Variants in SDE2 observed in about 807,000 individuals in gnomAD.
SDE2 encodes the protein splicing regulator SDE2.
A neutral mutation model predicts 46.9 loss-of-function variants in SDE2; 31 were observed. The observed-to-expected ratio is 0.66, with a 90% confidence interval of 0.50 to 0.89. The LOEUF (loss-of-function observed/expected upper bound fraction) is 0.89. Ranked by LOEUF, SDE2 falls within the 40% of genes least tolerant of loss-of-function variation. The pLI is 0.00. For synonymous variants in SDE2, 205 were observed against 204.3 expected (o/e 1.00, Z -0.03); for missense variants, 542 against 564.4 (o/e 0.96, Z 0.40).
intron 1 of SDE2, among the ~76,000 whole-genome samples, chr1:225,997,385 T>C (rs1248145523): frequency 6.6e-6 from 1 of 152,234 alleles, no homozygotes; most frequent in African/African-American, 2.4e-5. Flanking sequence ...ATATTTGCTA[T>C]GGTCATGTTC....
intron 1 of SDE2, among the ~76,000 whole-genome samples, chr1:225,998,453 T>C (rs532531931): frequency 2.6e-5 from 4 of 152,324 alleles, no homozygotes; most frequent in South Asian, 2.1e-4. Context: ...CTAGATCAAG[T>C]GCCAACATTA....
intron 3 of SDE2, 74 bp from the exon 4 acceptor site, chr1:225,992,641 G>T: frequency 9.9e-7 from 1 of 1,008,712 alleles, no homozygotes; most frequent in Non-Finnish European, 1.5e-6. Context: ...AAATGTCTCT[G>T]ACGAATTAAT....
At chr1:225,991,446 G>T in intron 4 of SDE2, 83 bp from the exon 5 acceptor site, 1 of 1,074,152 alleles carries the variant, frequency 9.3e-7, no homozygotes. Context: ...TGCAAAAAGA[G>T]CTGCAATCTA....
intron 1 of SDE2, among the ~76,000 whole-genome samples, chr1:225,995,637 T>C (rs1656505374): frequency 6.6e-6 from 1 of 152,194 alleles, no homozygotes; most frequent in Admixed American, 6.5e-5. Flanking sequence ...CAACAAAAAC[T>C]GCTTCTTCTT....
At chr1:225,997,253 T>C (rs1165135004) in intron 1 of SDE2, among the ~76,000 whole-genome samples, 1 of 152,190 alleles carries the variant, frequency 6.6e-6, no homozygotes, top group Non-Finnish European at 1.5e-5. Context: ...ATTTTCTCAG[T>C]GGGAGTTAAC....
intron 1 of SDE2, among the ~76,000 whole-genome samples, chr1:225,997,675 C>T (rs905080660): frequency 6.6e-5 from 10 of 152,058 alleles, no homozygotes; most frequent in African/African-American, 2.4e-4. Flanking sequence ...AGGTGATCTG[C>T]CCGCCTCGAC....
rs749312218 is a variant in SDE2, at chr1:225,983,327, A to G, written c.*1975T>C. The G allele has an allele frequency of 2.0e-5, 3 of 152,226 alleles. No individual in the cohort carries two copies. Among genetic ancestry groups the G allele is most frequent in the Non-Finnish European group, 4.4e-5 (3 of 68,038 alleles). 9.4% of individuals were successfully genotyped at this position (152,226 alleles called of 1,614,324 possible). On this transcript the variant is annotated 3_prime_UTR_variant, in exon 7 of 7. Coordinates refer to ENST00000272091, the MANE Select transcript of SDE2 (RefSeq NM_152608.4). Reference sequence around the variant, plus strand: ...AAATTTCATAATGATAAAATGGTCAATACATTAGGAAGACATAAGTTATTA... The same window carrying G: ...AAATTTCATAATGATAAAATGGTCAGTACATTAGGAAGACATAAGTTATTA...
intron 5 of SDE2, among the ~76,000 whole-genome samples, chr1:225,989,286 A>ACT (rs1656339172): frequency 1.2e-5 from 1 of 84,124 alleles, no homozygotes; most frequent in African/African-American, 3.7e-5. Flanking sequence ...ACAGAGCAAG[A>ACT]CTGTCTCAAA....
Position 225,992,547 on chromosome 1 carries a change from T to C in SDE2, c.371A>G (p.Gln124Arg). 1 of 1,609,046 alleles carries C rather than the reference T, an allele frequency of 6.2e-7. No individual in the cohort carries two copies. Among genetic ancestry groups the C allele is most frequent in the Non-Finnish European group, 8.5e-7 (1 of 1,179,268 alleles). Reference sequence around the variant, plus strand: ...CTTTTCAGCCTCTCGCTCGGCTTGTTGTTTTACCCATTCAGCCATTCTGGG... The same window carrying C: ...CTTTTCAGCCTCTCGCTCGGCTTGTCGTTTTACCCATTCAGCCATTCTGGG... Reference protein sequence around the residue: ...HEKAMAEWVKQQAEREAEKEQ... With the variant: ...HEKAMAEWVKRQAEREAEKEQ... The change falls in exon 4 of 7, where the codon CAA (glutamine) becomes CGA (arginine). Residue 124 changes from glutamine to arginine, a missense_variant. Coordinates refer to ENST00000272091, the MANE Select transcript of SDE2 (RefSeq NM_152608.4).
At chr1:225,985,693 CATA>C (rs779687027) in intron 6 of SDE2, among the ~76,000 whole-genome samples, 170 bp from the exon 7 acceptor site, 20 of 152,334 alleles carry the variant, frequency 1.3e-4, no homozygotes, top group South Asian at 4.1e-4. Context: ...TCTCAACACA[CATA>C]ATAACTAATT....
Position 225,992,524 on chromosome 1 carries a change from T to C in SDE2, c.394A>G (p.Lys132Glu), listed in dbSNP as rs1277076830. Residue 132 changes from lysine to glutamate, a missense_variant, in exon 4 of 7, where the codon AAG (lysine) becomes GAG (glutamate). Around this residue, in one of 3 missense-constraint regions of SDE2, gnomAD observed 401 missense variants for 437.8 expected, o/e 0.92. Coordinates refer to ENST00000272091, the MANE Select transcript of SDE2 (RefSeq NM_152608.4). ...AGTCGCTCCAGCCGCTTCTGCTCCTTTTCAGCCTCTCGCTCGGCTTGTTGT... is the reference window on the plus strand; with the variant it reads ...AGTCGCTCCAGCCGCTTCTGCTCCTCTTCAGCCTCTCGCTCGGCTTGTTGT... ...VKQQAEREAE[K>E]EQKRLERLQR... 6.2e-7 allele frequency: 1 copy of C among 1,612,098 alleles called. No individual in the cohort carries two copies. The highest frequency in any genetic ancestry group is 1.3e-5 in the African/African-American group (1 of 75,058).
At position 225,999,236 on chromosome 1, in the gene SDE2, C is replaced by T. The variant is rs1423171866; in HGVS notation, c.77G>A (p.Arg26Gln). 2.5e-6 allele frequency: 4 copies of T among 1,613,088 alleles called. No homozygotes were observed. The South Asian group carries it at 3.3e-5, about 13-fold the overall frequency. The change falls in exon 1 of 7, where the codon CGG becomes CAG. Residue 26 changes from arginine (R) to glutamine (Q), a missense_variant. This residue lies in a region of SDE2 where 135 missense variants were observed against 106.5 expected (regional missense o/e 1.27). Coordinates refer to ENST00000272091, the MANE Select transcript of SDE2 (RefSeq NM_152608.4). ...GCKAVRCASG[R>Q]CTVRDFIHRH... ...GTGGATAAAATCCCGGACGGTGCAC[C>T]GACCCGAGGCACACCGCACCGCCTT...
At chr1:225,997,542 G>C (rs1448583341) in intron 1 of SDE2, among the ~76,000 whole-genome samples, 1 of 152,098 alleles carries the variant, frequency 6.6e-6, no homozygotes, top group Admixed American at 6.6e-5. Context: ...TGATTCTTCT[G>C]CTTCAGCCTC....
chr1:225,990,861 A>C (rs1254885068), intron 5 of SDE2, among the ~76,000 whole-genome samples: 1 of 151,752 alleles, frequency 6.6e-6, no homozygotes, highest in African/African-American at 2.4e-5. Flanking sequence ...GGTGAAGAGA[A>C]GTCTGGCAAA....
chr1:225,987,893 T>C lies in SDE2; in HGVS notation c.1134+3A>G. 6.2e-7 allele frequency: 1 copy of C among 1,609,298 alleles called. No homozygotes were observed. Among genetic ancestry groups the C allele is most frequent in the Non-Finnish European group, 8.5e-7 (1 of 1,178,188 alleles). ...CTAGGTATCAACCCCAAAACATACTTACTGCGTTTCCTGGCTGGCTTTCCT... is the reference window on the plus strand; with the variant it reads ...CTAGGTATCAACCCCAAAACATACTCACTGCGTTTCCTGGCTGGCTTTCCT... On this transcript the variant is annotated splice_donor_region_variant and intron_variant, in intron 6 of 6. Transcript: ENST00000272091.
rs1414450138 is a variant in SDE2, at chr1:225,985,500, A to G, written c.1158T>C (p.Asp386=). The change falls in exon 7 of 7, where the codon GAT becomes GAC. Residue 386 remains aspartate, a synonymous_variant. Coordinates refer to ENST00000272091, the MANE Select transcript of SDE2 (RefSeq NM_152608.4). ...GNAVIDKETI[D]LLAFTSVAEL... is the part of the protein sequence containing the mutation. The stretch of plus-strand genomic sequence containing the variant: ...CTGCAACAGAGGTGAACGCCAATAA[A>G]TCTATAGTTTCCTTATCAATAACCT... 4 of 1,612,572 alleles carry G rather than the reference A, an allele frequency of 2.5e-6. No homozygotes were observed. The highest frequency in any genetic ancestry group is 3.4e-6 in the Non-Finnish European group (4 of 1,178,648).
At position 225,991,341 on chromosome 1, in the gene SDE2, C is replaced by G. The variant is rs760750401; in HGVS notation, c.543G>C (p.Lys181Asn). 8.1e-6 allele frequency: 13 copies of G among 1,613,808 alleles called. No individual in the cohort carries two copies. Among genetic ancestry groups the G allele is most frequent in the Non-Finnish European group, 1.1e-5 (13 of 1,179,838 alleles). The change falls in exon 5 of 7, where the codon AAG becomes AAC. Residue 181 changes from lysine (K) to asparagine (N), a missense_variant. By Grantham distance (94) the Lys-to-Asn change is moderately conservative. Coordinates refer to ENST00000272091, the MANE Select transcript of SDE2 (RefSeq NM_152608.4). ...VLKGMQAASS[K>N]MVSAEISENR... ...TCTCACTGATTTCTGCTGAAACCATCTTGCTGGAGGCAGCCTGCATACCTA... is the reference window on the plus strand; with the variant it reads ...TCTCACTGATTTCTGCTGAAACCATGTTGCTGGAGGCAGCCTGCATACCTA...
In SDE2 at chr1:225,988,046, T is replaced by C. The variant is rs1656307714; in HGVS notation, c.984A>G (p.Glu328=). 1.2e-6 allele frequency: 2 copies of C among 1,614,186 alleles called. No homozygotes were observed. The highest frequency in any genetic ancestry group is 2.2e-5 in the East Asian group (1 of 44,886). ...CCCCAGTGGGCTCCTCTTCTATGGG[T>C]TCTTTACTCTCTGCCTTCTTCTCCT... ...ETQEKKAESK[E]PIEEEPTGAG... Residue 328 remains glutamate, a synonymous_variant, in exon 6 of 7, where the codon GAA becomes GAG. Coordinates refer to ENST00000272091, the MANE Select transcript of SDE2 (RefSeq NM_152608.4).
rs1656309834 is a variant in SDE2 at position 225,988,099 on chromosome 1, T to C, written c.931A>G (p.Arg311Gly). 2 of 1,614,098 alleles carry C rather than the reference T, an allele frequency of 1.2e-6. No individual in the cohort carries two copies. The highest frequency in any genetic ancestry group is 2.7e-5 in the African/African-American group (2 of 74,942). ...GTCTCTTCTGTTTCTGTAACCATCC[T>C]GCTTTCCATGTGCTCTTTGGACTCC... ...LGESKEHMES[R>G]MVTETEETQE... is the part of the protein sequence containing the mutation. Residue 311 changes from arginine to glycine, a missense_variant, in exon 6 of 7, where the codon AGG becomes GGG. By Grantham distance (125) the Arg-to-Gly change is moderately radical. Around this residue, in one of 3 missense-constraint regions of SDE2, gnomAD observed 401 missense variants for 437.8 expected, o/e 0.92. Transcript: ENST00000272091.
Sources: gnomAD v4.1 joint callset for allele counts (sites outside exome capture counted in the v4.1 genomes callset) on GRCh38, gnomAD v4.1.1 for gene constraint, gnomAD v4.1.1 regional missense constraint, MANE v1.5 for transcripts, NCBI Gene and HGNC (gene_info 2026-07-23, HGNC 2026-07-21) for gene names.